Variants in ADD3 observed in about 807,000 individuals in gnomAD.
The protein encoded by ADD3 is gamma-adducin.
Under a neutral mutation model 80.2 loss-of-function variants are expected in ADD3, and 25 were observed. The ratio of observed to expected loss-of-function variants is 0.31; its 90% confidence interval spans 0.23 to 0.44. The LOEUF (loss-of-function observed/expected upper bound fraction) is 0.44, where lower values mean the gene tolerates loss of function less well. ADD3 is among the 20% of genes least tolerant of loss of function. The pLI is 1.00. For synonymous variants in ADD3, 284 were observed against 289.6 expected (o/e 0.98, Z 0.20); for missense variants, 829 against 847.5 (o/e 0.98, Z 0.27).
At chr10:110,116,449 C>T in intron 4 of ADD3, 39 bp downstream of exon 4, 4 of 1,607,022 alleles carry the variant, frequency 2.5e-6, no homozygotes, top group South Asian at 1.1e-5. Context: ...TTAAAAAATT[C>T]CAGCTAGAAG....
Position 110,133,615 on chromosome 10 carries a change from C to A in ADD3, c.2118C>A (p.Ala706=), listed in dbSNP as rs1564680776. 1 of 1,570,934 alleles carries A rather than the reference C, an allele frequency of 6.4e-7. No homozygotes were observed. The highest frequency in any genetic ancestry group is 2.0e-5 in the Admixed American group (1 of 50,668). ...KKNKKKEKVE[A] is the part of the protein sequence containing the mutation. ...ACAAAAAAAAGGAGAAAGTTGAGGC[C>A]TAAATAAAGTCTTTTTATAATTATT... Residue 706 remains alanine (A), a synonymous_variant, in exon 15 of 15, where the codon GCC becomes GCA. Transcript: ENST00000356080.
chr10:110,111,655 C>T (rs1193885634), intron 2 of ADD3, among the ~76,000 whole-genome samples: 8 of 152,220 alleles, frequency 5.3e-5, no homozygotes, highest in Admixed American at 5.2e-4. Context: ...GTGGCTCACG[C>T]CTGTAATCCC....
At chr10:110,098,392 C>G (rs1848424936) in intron 1 of ADD3, among the ~76,000 whole-genome samples, 1 of 152,146 alleles carries the variant, frequency 6.6e-6, no homozygotes, top group Admixed American at 6.5e-5. Context: ...AATGTGCTTT[C>G]AGATGTATAA....
Position 110,100,757 on chromosome 10 carries a change from A to G in ADD3, c.104A>G (p.Tyr35Cys). 1 of 1,614,056 alleles carries G rather than the reference A, an allele frequency of 6.2e-7. No homozygotes were observed. Among genetic ancestry groups the G allele is most frequent in the East Asian group, 2.2e-5 (1 of 44,874 alleles). ...FDRINENDPE[Y>C]IRERNMSPDL... is the part of the protein sequence containing the mutation. ...CGCATCAATGAAAATGACCCAGAAT[A>G]CATTAGGGAGAGGAACATGTCTCCT... The change falls in exon 2 of 15, where the codon TAC becomes TGC. Residue 35 changes from tyrosine to cysteine, a missense_variant. Tyr to Cys is a radical substitution (Grantham distance 194). Coordinates refer to ENST00000356080, the MANE Select transcript of ADD3 (RefSeq NM_016824.5).
At chr10:110,070,515 T>TGATACTCTACA (rs1407234489) in intron 1 of ADD3, among the ~76,000 whole-genome samples, 1 of 152,208 alleles carries the variant, frequency 6.6e-6, no homozygotes, top group Non-Finnish European at 1.5e-5. Context: ...GAGAATAAAT[T>TGATACTCTACA]GATACTCTAC....
At chr10:110,048,769 A>G (rs975637833) in intron 1 of ADD3, among the ~76,000 whole-genome samples, 11 of 152,232 alleles carry the variant, frequency 7.2e-5, no homozygotes, top group African/African-American at 2.7e-4. Flanking sequence ...AAAGGGAAAT[A>G]GAGCATAAAG....
At chr10:110,082,772 T>G (rs1846223482) in intron 1 of ADD3, among the ~76,000 whole-genome samples, 1 of 152,234 alleles carries the variant, frequency 6.6e-6, no homozygotes, top group African/African-American at 2.4e-5. Context: ...TTTACTTATT[T>G]TAAGTATTTC....
intron 1 of ADD3, among the ~76,000 whole-genome samples, chr10:110,086,770 T>C (rs1358427988): frequency 6.6e-6 from 1 of 152,178 alleles, no homozygotes; most frequent in Non-Finnish European, 1.5e-5. Flanking sequence ...AAATTAAACC[T>C]CTTTATAGAT....
intron 1 of ADD3, among the ~76,000 whole-genome samples, chr10:110,011,192 CACCTTTCTGATT>C (rs1852293796): frequency 6.6e-6 from 1 of 151,328 alleles, no homozygotes; most frequent in Non-Finnish European, 1.5e-5. Flanking sequence ...TAAACCTTAT[CACCTTTCTGATT>C]ACCAACATCA....
At chr10:110,116,697 A>G (rs1850773232) in intron 4 of ADD3, among the ~76,000 whole-genome samples, 1 of 152,222 alleles carries the variant, frequency 6.6e-6, no homozygotes, top group African/African-American at 2.4e-5. Flanking sequence ...CCTCTCCATG[A>G]TAATTATGTC....
chr10:110,040,955 T>TCTCTCTCGCTCTCTCTCTCTCTCG (rs1856264906), intron 1 of ADD3, among the ~76,000 whole-genome samples: 1 of 27,132 alleles, frequency 3.7e-5, no homozygotes, highest in Non-Finnish European at 1.4e-4. Context: ...GCTCTCTCTG[T>TCTCTCTCGCTCTCTCTCTCTCTCG]CTCTCTCTGT....
intron 1 of ADD3, among the ~76,000 whole-genome samples, chr10:110,097,353 C>T (rs955407493): frequency 2.0e-5 from 3 of 151,910 alleles, no homozygotes; most frequent in Non-Finnish European, 4.4e-5. Context: ...TCAGGAGGGC[C>T]CTGAAAATTG....
In ADD3 at chr10:110,117,324, T is replaced by C. The variant is rs763005395; in HGVS notation, c.487-18T>C. The C allele has an allele frequency of 3.6e-6, 5 of 1,384,648 alleles. No individual in the cohort carries two copies. Among genetic ancestry groups the C allele is most frequent in the Non-Finnish European group, 4.1e-6 (4 of 977,068 alleles). The allele number at this position is 1,384,648 out of a possible 1,614,324, so 85.8% of individuals were successfully genotyped here. A position where few individuals can be genotyped will look rare whatever the true frequency, so the allele number is the denominator to read the frequency against. On this transcript the variant is annotated intron_variant, in intron 4 of 14. Coordinates refer to ENST00000356080, the MANE Select transcript of ADD3 (RefSeq NM_016824.5). Reference sequence around the variant, plus strand: ...TATGAACCACTTCATAGTAATTCCCTGTTGTTTTTTTTTCCAGGTAAGAAT... The same window carrying C: ...TATGAACCACTTCATAGTAATTCCCCGTTGTTTTTTTTTCCAGGTAAGAAT...
At chr10:110,104,565 T>C (rs1376688069) in intron 2 of ADD3, among the ~76,000 whole-genome samples, 1 of 152,198 alleles carries the variant, frequency 6.6e-6, no homozygotes, top group Non-Finnish European at 1.5e-5. Context: ...TTAAACAAAA[T>C]CCATAACCAA....
chr10:110,064,488 A>G (rs1023278588), intron 1 of ADD3, among the ~76,000 whole-genome samples: 1 of 152,304 alleles, frequency 6.6e-6, no homozygotes, highest in Non-Finnish European at 1.5e-5. Context: ...CCTTATAACT[A>G]ATGATGATGG....
intron 1 of ADD3, among the ~76,000 whole-genome samples, chr10:110,022,789 G>A (rs760489166): frequency 2.6e-5 from 4 of 152,172 alleles, no homozygotes; most frequent in African/African-American, 4.8e-5. Context: ...AACAATTCAG[G>A]GAGGAGAGTG....
At chr10:110,095,124 G>A (rs1053672898) in intron 1 of ADD3, among the ~76,000 whole-genome samples, 1 of 152,170 alleles carries the variant, frequency 6.6e-6, no homozygotes, top group Admixed American at 6.5e-5. Flanking sequence ...CCCATTTATG[G>A]AGTTCTCGCC....
At chr10:109,997,336 T>TA (rs1851400409) in intron 1 of ADD3, among the ~76,000 whole-genome samples, 1 of 152,132 alleles carries the variant, frequency 6.6e-6, no homozygotes, top group Non-Finnish European at 1.5e-5. Flanking sequence ...AGCAATGAGG[T>TA]AAAAAAAGGC....
At chr10:110,081,933 T>C (rs1029799372) in intron 1 of ADD3, among the ~76,000 whole-genome samples, 2 of 152,158 alleles carry the variant, frequency 1.3e-5, no homozygotes, top group Non-Finnish European at 2.9e-5. Flanking sequence ...AACAGTCCTA[T>C]GGTGGCAAAA....
Sources: gnomAD v4.1 joint callset for allele counts (sites outside exome capture counted in the v4.1 genomes callset) on GRCh38, gnomAD v4.1.1 for gene constraint, MANE v1.5 for transcripts, NCBI Gene and HGNC (gene_info 2026-07-23, HGNC 2026-07-21) for gene names.